Variants in ANKRD12 observed in about 807,000 individuals in gnomAD.
ANKRD12 encodes ankyrin repeat domain-containing protein 12.
In ANKRD12, 85 loss-of-function variants were observed where a neutral mutation model predicts 183.4. That is an observed-to-expected ratio of 0.46 (90% CI 0.39 to 0.56). The LOEUF is 0.56. Among genes scored for constraint, ANKRD12 ranks in the 20% least tolerant of loss-of-function variants. The pLI is 0.00. For missense variants in ANKRD12, 2,405 were observed against 2,357.1 expected (o/e 1.02, Z -0.42); for synonymous variants, 914 against 800.2 (o/e 1.14, Z -2.40).
intron 4 of ANKRD12, 30 bp downstream of exon 4, chr18:9,204,574 G>A (rs1280444260): frequency 6.8e-7 from 1 of 1,475,366 alleles, no homozygotes; most frequent in Non-Finnish European, 9.3e-7. Context: ...TTCCTGTTTA[G>A]CCAGTGGTTT....
chr18:9,220,051 AAGTT>A (rs2036333175), intron 7 of ANKRD12, among the ~76,000 whole-genome samples: 2 of 152,368 alleles, frequency 1.3e-5, no homozygotes, highest in East Asian at 3.9e-4. Context: ...TATCATGAGT[AAGTT>A]GTTTTCTTTA....
At chr18:9,195,452 A>G (rs1034708577) in intron 2 of ANKRD12, 99 bp from the exon 3 acceptor site, 9 of 807,182 alleles carry the variant, frequency 1.1e-5, no homozygotes, top group South Asian at 3.0e-5. Context: ...AGGTAATACT[A>G]TCTCTTTTTG....
At chr18:9,216,922 CAAT>C (rs1567927404) in intron 7 of ANKRD12, 22 bp downstream of exon 7, 1 of 1,604,228 alleles carries the variant, frequency 6.2e-7, no homozygotes, top group Admixed American at 1.7e-5. Flanking sequence ...AGAAAAAAAT[CAAT>C]AATACACATT....
chr18:9,175,775 G>T (rs569478004), intron 1 of ANKRD12, among the ~76,000 whole-genome samples: 141 of 151,964 alleles, frequency 9.3e-4, no homozygotes, highest in African/African-American at 3.4e-3. Context: ...CAGTCTGCCT[G>T]CCTTGGCCTC....
At chr18:9,189,901 A>G (rs1025421359) in intron 2 of ANKRD12, among the ~76,000 whole-genome samples, 13 of 152,246 alleles carry the variant, frequency 8.5e-5, no homozygotes, top group Non-Finnish European at 1.9e-4. Context: ...CATGCAGTCC[A>G]TTCTGCAGCC....
At position 9,242,056 on chromosome 18, in the gene ANKRD12, C is replaced by A. The variant is rs184271184; in HGVS notation, c.944-12155C>A. On this transcript the variant is annotated intron_variant, in intron 8 of 12. Transcript: ENST00000262126. Reference sequence around the variant, plus strand: ...GCACATATGTATATATATACACACACACACACATATCAGAAAAATAAATGG... The same window carrying A: ...GCACATATGTATATATATACACACAAACACACATATCAGAAAAATAAATGG... 2.6e-4 allele frequency among the ~76,000 whole-genome samples: 39 copies of A among 152,174 alleles called. No homozygotes were observed. In the East Asian group the frequency reaches 6.8e-3, roughly 26 times the overall value.
chr18:9,236,227 A>G lies in ANKRD12; in HGVS notation c.943+14228A>G, dbSNP rs186562198. Among the ~76,000 whole-genome samples the G allele has an allele frequency of 1.7e-3, 255 of 152,316 alleles. 4 individuals are homozygous for G. Among genetic ancestry groups the G allele is most frequent in the Admixed American group, 0.016 (243 of 15,302 alleles). ...GGAAATAACGAATGGAGCTAAAACT[A>G]TAGAAAAAATTGTGAAGGTGGCAAC... On this transcript the variant is annotated intron_variant, in intron 8 of 12. Coordinates refer to ENST00000262126, the MANE Select transcript of ANKRD12 (RefSeq NM_015208.5).
intron 2 of ANKRD12, among the ~76,000 whole-genome samples, chr18:9,188,331 C>T (rs2034238770): frequency 6.6e-6 from 1 of 152,214 alleles, no homozygotes. Flanking sequence ...CATTATTACA[C>T]TGGACAGCAA....
At chr18:9,278,225 G>A (rs1192796801) in intron 11 of ANKRD12, among the ~76,000 whole-genome samples, 3 of 151,588 alleles carry the variant, frequency 2.0e-5, no homozygotes, top group African/African-American at 7.3e-5. Context: ...GCTGGCTTTA[G>A]AGTAGAAGGT....
rs2038471934 is a variant in ANKRD12, at chr18:9,254,315, A to C, written c.1048A>C (p.Ser350Arg). 1 of 1,612,980 alleles carries C rather than the reference A, an allele frequency of 6.2e-7. No homozygotes were observed. The highest frequency in any genetic ancestry group is 1.7e-5 in the Admixed American group (1 of 59,898). ...CTGTGAAAGTAAACAGATACTTCCC[A>C]GTAAAACACCTCTTCCATCTGCCCT... is the stretch of plus-strand genomic sequence containing the variant. ...LICESKQILP[S>R]KTPLPSALDE... The change falls in exon 9 of 13, where the codon AGT becomes CGT. Residue 350 changes from serine to arginine, a missense_variant. Ser to Arg is a moderately radical substitution (Grantham distance 110). Coordinates refer to ENST00000262126, the MANE Select transcript of ANKRD12 (RefSeq NM_015208.5).
chr18:9,138,532 A>G (rs374665229), intron 1 of ANKRD12, among the ~76,000 whole-genome samples: 1 of 150,240 alleles, frequency 6.7e-6, no homozygotes, highest in Admixed American at 6.6e-5. Context: ...ACCAAAACAA[A>G]CAAACAAACA....
In ANKRD12 at chr18:9,257,818, A is replaced by G. The variant is rs771844288; in HGVS notation, c.4551A>G (p.Gln1517=). The G allele has an allele frequency of 3.1e-6, 5 of 1,613,774 alleles. No homozygotes were observed. In the African/African-American group the frequency reaches 6.7e-5, roughly 22 times the overall value. The change falls in exon 9 of 13, where the codon CAA becomes CAG. Residue 1517 remains glutamine, a synonymous_variant. Coordinates refer to ENST00000262126, the MANE Select transcript of ANKRD12 (RefSeq NM_015208.5). ...KHMSLSYVAN[Q]EPGILQQKNA... is the part of the protein sequence containing the mutation. ...TGTCTTTGTCATATGTTGCTAATCA[A>G]GAGCCAGGTATTTTACAACAAAAAA...
At chr18:9,267,918 A>C (rs1044046690) in intron 10 of ANKRD12, among the ~76,000 whole-genome samples, 21 of 152,228 alleles carry the variant, frequency 1.4e-4, no homozygotes, top group African/African-American at 5.1e-4. Context: ...AAGTAGACGC[A>C]ATAAAAAATG....
At chr18:9,186,136 G>GTTTTT (rs1280812557) in intron 2 of ANKRD12, among the ~76,000 whole-genome samples, 2 of 141,888 alleles carry the variant, frequency 1.4e-5, no homozygotes, top group Non-Finnish European at 3.1e-5. Context: ...CTAAAAGTGT[G>GTTTTT]ATTTTTTTTT....
chr18:9,205,009 A>C (rs1376826083), intron 4 of ANKRD12, among the ~76,000 whole-genome samples: 1 of 152,186 alleles, frequency 6.6e-6, no homozygotes, highest in Non-Finnish European at 1.5e-5. Context: ...TTTTCCATTG[A>C]ATTCATTAGC....
At chr18:9,153,808 G>A (rs2029963447) in intron 1 of ANKRD12, among the ~76,000 whole-genome samples, 1 of 151,624 alleles carries the variant, frequency 6.6e-6, no homozygotes, top group African/African-American at 2.4e-5. Flanking sequence ...ATCCCTTCCT[G>A]ATGTCTTCTG....
At chr18:9,162,363 C>A (rs1384952393) in intron 1 of ANKRD12, among the ~76,000 whole-genome samples, 2 of 152,182 alleles carry the variant, frequency 1.3e-5, no homozygotes, top group Non-Finnish European at 2.9e-5. Context: ...ATCCATGTCT[C>A]TGCAAAGGAC....
At chr18:9,279,665 GT>G in intron 12 of ANKRD12, 21 bp downstream of exon 12, 1 of 1,274,932 alleles carries the variant, frequency 7.8e-7, no homozygotes, top group Non-Finnish European at 1.1e-6. Flanking sequence ...TTGGAAGTCA[GT>G]TTAAATGAAT....
chr18:9,254,373 A>G lies in ANKRD12; in HGVS notation c.1106A>G (p.Glu369Gly), dbSNP rs1217087283. The G allele has an allele frequency of 6.2e-7, 1 of 1,610,158 alleles. No individual in the cohort carries two copies. The change falls in exon 9 of 13, where the codon GAA (glutamate) becomes GGA (glycine). Residue 369 changes from glutamate (E) to glycine (G), a missense_variant. Around this residue, in one of 7 missense-constraint regions of ANKRD12, gnomAD observed 1,983 missense variants for 1,725.9 expected, o/e 1.15. Coordinates refer to ENST00000262126, the MANE Select transcript of ANKRD12 (RefSeq NM_015208.5). ...DEYEFKDDDD[E>G]EINKMIDDRH... ...TATGAGTTCAAAGATGATGATGATG[A>G]AGAAATTAATAAGATGATTGATGAT...
Sources: gnomAD v4.1 joint callset for allele counts (sites outside exome capture counted in the v4.1 genomes callset) on GRCh38, gnomAD v4.1.1 for gene constraint, gnomAD v4.1.1 regional missense constraint, MANE v1.5 for transcripts, NCBI Gene and HGNC (gene_info 2026-07-23, HGNC 2026-07-21) for gene names.